Variants in ACOXL observed in about 807,000 individuals in gnomAD.
ACOXL encodes acyl-CoA oxidase like.
A neutral mutation model predicts 71.9 loss-of-function variants in ACOXL; 70 were observed. The observed-to-expected ratio is 0.97, with a 90% CI of 0.80 to 1.19. The LOEUF (loss-of-function observed/expected upper bound fraction) is 1.19, where lower values mean the gene tolerates loss of function less well. ACOXL is among the 50% of genes most tolerant of loss of function. The probability of loss-of-function intolerance (pLI) is 0.00; values close to 1 mark genes in which losing one functional copy is unlikely to be tolerated. For missense variants in ACOXL, 703 were observed against 736.3 expected (o/e 0.95, Z 0.52); for synonymous variants, 253 against 281.6 (o/e 0.90, Z 1.02).
intron 1 of ACOXL, among the ~76,000 whole-genome samples, chr2:110,736,990 T>C (rs1676943588): frequency 6.6e-6 from 1 of 152,238 alleles, no homozygotes; most frequent in African/African-American, 2.4e-5. Flanking sequence ...GTTGTTTTAG[T>C]GTGTTTGGTT....
chr2:110,889,209 A>G (rs1308994714), intron 10 of ACOXL, among the ~76,000 whole-genome samples: 1 of 152,232 alleles, frequency 6.6e-6, no homozygotes, highest in East Asian at 1.9e-4. Context: ...AAAGTGCCAC[A>G]TGGATGTCTA....
intron 10 of ACOXL, among the ~76,000 whole-genome samples, chr2:110,899,301 C>G (rs939722152): frequency 2.0e-5 from 3 of 152,168 alleles, no homozygotes; most frequent in Non-Finnish European, 4.4e-5. Context: ...CATTTGATTA[C>G]CTATTGACTC....
At chr2:110,846,870 A>G (rs570646222) in intron 10 of ACOXL, among the ~76,000 whole-genome samples, 27 of 152,228 alleles carry the variant, frequency 1.8e-4, no homozygotes, top group African/African-American at 5.8e-4. Context: ...AGAAAGAATC[A>G]TCATATTTCG....
At chr2:110,901,103 GC>G (rs1350454196) in intron 10 of ACOXL, among the ~76,000 whole-genome samples, 1 of 152,228 alleles carries the variant, frequency 6.6e-6, no homozygotes, top group Non-Finnish European at 1.5e-5. Context: ...GCAGTCTCCA[GC>G]AGCAGAGTGT....
chr2:111,021,479 C>T (rs1007643361), intron 14 of ACOXL, among the ~76,000 whole-genome samples: 4 of 152,098 alleles, frequency 2.6e-5, no homozygotes, highest in African/African-American at 9.7e-5. Flanking sequence ...GCAAAGGTGC[C>T]AAGAATCCCA....
At chr2:111,085,066 C>G (rs1333075268) in intron 16 of ACOXL, among the ~76,000 whole-genome samples, 1 of 152,032 alleles carries the variant, frequency 6.6e-6, no homozygotes, top group East Asian at 1.9e-4. Context: ...ACAGGAACAC[C>G]CAGATTCATA....
chr2:110,845,652 T>C (rs1691741605), intron 10 of ACOXL, among the ~76,000 whole-genome samples: 1 of 152,210 alleles, frequency 6.6e-6, no homozygotes, highest in Non-Finnish European at 1.5e-5. Flanking sequence ...AATTTGACTA[T>C]TCTAGGGACT....
At chr2:111,030,038 A>G (rs1393756533) in intron 14 of ACOXL, among the ~76,000 whole-genome samples, 1 of 151,792 alleles carries the variant, frequency 6.6e-6, no homozygotes, top group Non-Finnish European at 1.5e-5. Context: ...TACTCTACAC[A>G]TTGAGTTTAA....
At chr2:110,889,264 A>G (rs1190235157) in intron 10 of ACOXL, among the ~76,000 whole-genome samples, 1 of 152,182 alleles carries the variant, frequency 6.6e-6, no homozygotes, top group Non-Finnish European at 1.5e-5. Flanking sequence ...AGTAGCAGCA[A>G]GTGGAAATTC....
At chr2:110,865,583 A>G (rs1694491094) in intron 10 of ACOXL, among the ~76,000 whole-genome samples, 1 of 152,186 alleles carries the variant, frequency 6.6e-6, no homozygotes, top group Non-Finnish European at 1.5e-5. Flanking sequence ...AATTATATCT[A>G]TTTTTAAATT....
In ACOXL at chr2:111,014,450, C is replaced by T. The variant is rs147358065; in HGVS notation, c.1282-17177C>T. ...TGCAATATCTGTACACTAAAGACTA[C>T]GTAACACCCAAGGAATAATTGAAGC... On this transcript the variant is annotated intron_variant, in intron 14 of 17. Coordinates refer to ENST00000439055, the MANE Select transcript of ACOXL (RefSeq NM_001142807.4). Among the ~76,000 whole-genome samples, 846 of 152,236 alleles carry T rather than the reference C, an allele frequency of 5.6e-3. 10 individuals are homozygous for T. The highest frequency in any genetic ancestry group is 6.6e-3 in the Non-Finnish European group (452 of 68,014).
At chr2:110,876,507 C>T (rs911134267) in intron 10 of ACOXL, among the ~76,000 whole-genome samples, 1 of 152,124 alleles carries the variant, frequency 6.6e-6, no homozygotes, top group African/African-American at 2.4e-5. Context: ...TCCAGGAGCC[C>T]GTCTGGGGTA....
intron 9 of ACOXL, among the ~76,000 whole-genome samples, chr2:110,827,908 A>T (rs79678131): frequency 0.015 from 2,247 of 152,288 alleles, 66 homozygotes; most frequent in African/African-American, 0.052. Flanking sequence ...AATCTTCTTA[A>T]CTGCGATTTT....
intron 1 of ACOXL, among the ~76,000 whole-genome samples, chr2:110,741,276 C>T (rs1021770470): frequency 1.3e-5 from 2 of 152,146 alleles, no homozygotes; most frequent in Non-Finnish European, 2.9e-5. Context: ...GTTCCGGAGG[C>T]TGAGAATCCA....
At chr2:110,826,696 A>G (rs1443762032) in intron 9 of ACOXL, among the ~76,000 whole-genome samples, 1 of 151,922 alleles carries the variant, frequency 6.6e-6, no homozygotes, top group South Asian at 2.1e-4. Flanking sequence ...AAGTTAGAAG[A>G]CATCCAGACA....
chr2:110,814,674 G>A (rs1687714183), intron 9 of ACOXL, among the ~76,000 whole-genome samples: 1 of 152,124 alleles, frequency 6.6e-6, no homozygotes, highest in Non-Finnish European at 1.5e-5. Context: ...TAAGGCCAGG[G>A]CTACGAAGTA....
At chr2:111,071,858 C>T (rs1203988649) in intron 16 of ACOXL, among the ~76,000 whole-genome samples, 1 of 152,168 alleles carries the variant, frequency 6.6e-6, no homozygotes, top group African/African-American at 2.4e-5. Flanking sequence ...ACACTGAGCC[C>T]TGATGCCAGG....
At chr2:110,876,393 C>T (rs368172100) in intron 10 of ACOXL, among the ~76,000 whole-genome samples, 98 of 152,154 alleles carry the variant, frequency 6.4e-4, no homozygotes, top group African/African-American at 2.2e-3. Flanking sequence ...GCCCAGGGGC[C>T]GGGTCAGCAG....
intron 10 of ACOXL, among the ~76,000 whole-genome samples, chr2:110,857,743 T>C (rs773850307): frequency 7.9e-5 from 12 of 152,172 alleles, no homozygotes; most frequent in Non-Finnish European, 1.5e-4. Context: ...ATTGATTGAT[T>C]GAGACAGGGC....
Sources: allele counts gnomAD v4.1 joint callset (sites outside exome capture counted in the v4.1 genomes callset), GRCh38; gene constraint gnomAD v4.1.1; transcripts MANE v1.5; gene names NCBI Gene and HGNC (gene_info 2026-07-23, HGNC 2026-07-21).